Variants in GMDS observed in about 807,000 individuals in gnomAD.
GMDS encodes the protein GDP-mannose 4,6 dehydratase.
GMDS carries 20 observed loss-of-function variants against 49.9 expected under a neutral mutation model. The ratio of observed to expected loss-of-function variants is 0.40; its 90% confidence interval spans 0.28 to 0.58. The LOEUF (loss-of-function observed/expected upper bound fraction) is 0.58. Ranked by LOEUF, GMDS falls within the 20% of genes least tolerant of loss-of-function variation. The pLI is 0.42. For missense variants in GMDS, 362 were observed against 481.4 expected (o/e 0.75, Z 2.32); for synonymous variants, 177 against 178.6 (o/e 0.99, Z 0.07).
At chr6:1,886,888 T>C (rs992208345) in intron 7 of GMDS, among the ~76,000 whole-genome samples, 4 of 152,236 alleles carry the variant, frequency 2.6e-5, no homozygotes, top group Non-Finnish European at 4.4e-5. Flanking sequence ...TATTTGCTCT[T>C]AGCATTTTTA....
chr6:1,775,218 C>T (rs142500608), intron 7 of GMDS, among the ~76,000 whole-genome samples: 57 of 152,272 alleles, frequency 3.7e-4, no homozygotes, highest in African/African-American at 1.3e-3. Flanking sequence ...CCCCACTACT[C>T]ATCTTCTTTA....
At chr6:1,700,034 T>C (rs2113362133) in intron 9 of GMDS, among the ~76,000 whole-genome samples, 1 of 152,238 alleles carries the variant, frequency 6.6e-6, no homozygotes, top group African/African-American at 2.4e-5. Flanking sequence ...AAAAGGGAGA[T>C]ATTTTTGCAT....
intron 1 of GMDS, among the ~76,000 whole-genome samples, chr6:2,202,340 A>T (rs980810419): frequency 5.3e-5 from 8 of 151,634 alleles, no homozygotes; most frequent in African/African-American, 1.9e-4. Context: ...CCACATGCAC[A>T]TCCGAGATGA....
chr6:1,776,448 G>A (rs569704420), intron 7 of GMDS, among the ~76,000 whole-genome samples: 5 of 152,090 alleles, frequency 3.3e-5, no homozygotes, highest in Non-Finnish European at 7.4e-5. Context: ...AGTGCTTTGG[G>A]GGGCCGAGGC....
Position 2,227,622 on chromosome 6 carries a change from T to C in GMDS, c.102+17699A>G, listed in dbSNP as rs149354331. On this transcript the variant is annotated intron_variant, in intron 1 of 10. Coordinates refer to ENST00000380815, the MANE Select transcript of GMDS (RefSeq NM_001500.4). Reference sequence around the variant, plus strand: ...CAAGCACAGCAGGAGACACCTGAGATTGCACTGGATGCAGGGAGTGAGGTG... The same window carrying C: ...CAAGCACAGCAGGAGACACCTGAGACTGCACTGGATGCAGGGAGTGAGGTG... Among the ~76,000 whole-genome samples the C allele has an allele frequency of 5.1e-4, 78 of 152,320 alleles. 1 individual carries two copies. Among genetic ancestry groups the C allele is most frequent in the African/African-American group, 1.7e-3 (72 of 41,580 alleles).
intron 4 of GMDS, among the ~76,000 whole-genome samples, chr6:2,004,593 C>G (rs1767040510): frequency 6.6e-6 from 1 of 152,176 alleles, no homozygotes; most frequent in South Asian, 2.1e-4. Context: ...TACAAAGACA[C>G]ATCCCCTGGG....
intron 4 of GMDS, among the ~76,000 whole-genome samples, chr6:2,055,130 A>C (rs1770705633): frequency 6.6e-6 from 1 of 152,112 alleles, no homozygotes; most frequent in Admixed American, 6.5e-5. Context: ...CTTTCCTGTA[A>C]AGATAGAGCG....
At chr6:1,700,502 G>C (rs1765505118) in intron 9 of GMDS, among the ~76,000 whole-genome samples, 1 of 152,152 alleles carries the variant, frequency 6.6e-6, no homozygotes, top group South Asian at 2.1e-4. Flanking sequence ...TTTCTCCCCT[G>C]GGAGAAAAGC....
chr6:1,985,228 A>G (rs1356456002), intron 4 of GMDS, among the ~76,000 whole-genome samples: 2 of 152,210 alleles, frequency 1.3e-5, no homozygotes, highest in African/African-American at 2.4e-5. Context: ...TAGATTTCCA[A>G]TATCAGAGCT....
Position 1,793,297 on chromosome 6 carries a change from T to C in GMDS, c.772-50711A>G, listed in dbSNP as rs563962330. Among the ~76,000 whole-genome samples, 4 of 152,354 alleles carry C rather than the reference T, an allele frequency of 2.6e-5. No homozygotes were observed. The South Asian group carries it at 8.3e-4, about 32-fold the overall frequency. On this transcript the variant is annotated intron_variant, in intron 7 of 10. Transcript: ENST00000380815. ...CTACTCCAGGACGGCTTTAGGAGCC[T>C]ATGAATCTGTTCTAGGGATAGAGAT...
intron 7 of GMDS, among the ~76,000 whole-genome samples, chr6:1,809,050 A>G (rs1326137893): frequency 6.6e-6 from 1 of 152,238 alleles, no homozygotes; most frequent in Non-Finnish European, 1.5e-5. Context: ...ATTTTATATC[A>G]ATACTTTCCA....
intron 4 of GMDS, among the ~76,000 whole-genome samples, chr6:2,026,394 G>A (rs1174714812): frequency 2.6e-5 from 4 of 152,146 alleles, no homozygotes; most frequent in South Asian, 2.1e-4. Context: ...ACTTAATGAC[G>A]TGGAAAATAA....
At chr6:1,748,339 C>A (rs1767595625) in intron 7 of GMDS, among the ~76,000 whole-genome samples, 2 of 152,042 alleles carry the variant, frequency 1.3e-5, no homozygotes, top group Admixed American at 1.3e-4. Context: ...TCATGCACAT[C>A]AATTATGCAT....
At chr6:1,988,976 T>A (rs549963096) in intron 4 of GMDS, among the ~76,000 whole-genome samples, 1 of 152,186 alleles carries the variant, frequency 6.6e-6, no homozygotes, top group South Asian at 2.1e-4. Flanking sequence ...CCCTCTTGGA[T>A]TACAGAGGAC....
chr6:1,938,073 C>T lies in GMDS; in HGVS notation c.644-7843G>A, dbSNP rs75173984. ...AAACATGAGAGGGGCATTGTTTCCT[C>T]ACTTAAACATCATTTTAAGGGTAAC... On this transcript the variant is annotated intron_variant, in intron 6 of 10. Coordinates refer to ENST00000380815, the MANE Select transcript of GMDS (RefSeq NM_001500.4). Among the ~76,000 whole-genome samples the T allele has an allele frequency of 4.4e-3, 671 of 152,270 alleles. 5 individuals are homozygous for T. The highest frequency in any genetic ancestry group is 0.016 in the African/African-American group (650 of 41,560).
chr6:2,041,622 T>TG (rs1303134687), intron 4 of GMDS, among the ~76,000 whole-genome samples: 1 of 151,562 alleles, frequency 6.6e-6, no homozygotes, highest in East Asian at 1.9e-4. Flanking sequence ...GAAGAAGAGG[T>TG]GGGGAGCAGG....
intron 9 of GMDS, among the ~76,000 whole-genome samples, chr6:1,709,639 G>T (rs146746033): frequency 3.0e-4 from 46 of 152,284 alleles, no homozygotes; most frequent in Non-Finnish European, 5.3e-4. Context: ...AAGTAACGTG[G>T]GTGGGCCTTG....
At chr6:1,767,069 G>T (rs559672907) in intron 7 of GMDS, among the ~76,000 whole-genome samples, 1 of 152,310 alleles carries the variant, frequency 6.6e-6, no homozygotes, top group East Asian at 1.9e-4. Flanking sequence ...TAGCTCCTTA[G>T]ATTTGTTTAT....
At chr6:1,746,713 ATTTT>A (rs1554114627) in intron 7 of GMDS, among the ~76,000 whole-genome samples, 2 of 127,264 alleles carry the variant, frequency 1.6e-5, no homozygotes, top group African/African-American at 3.2e-5. Flanking sequence ...TTATTTATTT[ATTTT>A]TTGAGACAGA....
Sources: gnomAD v4.1 joint callset for allele counts (sites outside exome capture counted in the v4.1 genomes callset) on GRCh38, gnomAD v4.1.1 for gene constraint, MANE v1.5 for transcripts, NCBI Gene and HGNC (gene_info 2026-07-23, HGNC 2026-07-21) for gene names.